Variants in TNIK observed in about 807,000 individuals in gnomAD.
TNIK encodes the protein TRAF2 and NCK interacting kinase, also known as TRAF2 and NCK-interacting protein kinase.
Under a neutral mutation model 191.3 loss-of-function variants are expected in TNIK, and 49 were observed. That is an observed-to-expected ratio of 0.26 (90% confidence interval 0.20 to 0.32). The LOEUF is 0.32. Among genes scored for constraint, TNIK ranks in the 10% least tolerant of loss-of-function variants. TNIK has a pLI of 1.00. For synonymous variants in TNIK, 594 were observed against 600.9 expected (o/e 0.99, Z 0.17); for missense variants, 1,155 against 1,702.3 (o/e 0.68, Z 5.66).
intron 29 of TNIK, among the ~76,000 whole-genome samples, chr3:171,069,832 C>T (rs1157000492): frequency 6.6e-6 from 1 of 152,292 alleles, no homozygotes; most frequent in South Asian, 2.1e-4. Flanking sequence ...CCTCTCAGAC[C>T]CTTCTCTTCT....
intron 2 of TNIK, among the ~76,000 whole-genome samples, chr3:171,238,033 G>T (rs572724061): frequency 6.6e-6 from 1 of 152,112 alleles, no homozygotes. Flanking sequence ...CCAGATCTCC[G>T]CAAAGGCTGA....
intron 1 of TNIK, among the ~76,000 whole-genome samples, chr3:171,408,270 G>A (rs374809273): frequency 1.7e-4 from 25 of 151,360 alleles, no homozygotes; most frequent in African/African-American, 5.1e-4. Flanking sequence ...TTTTTCCCCC[G>A]CTCAATCTGG....
chr3:171,243,046 A>G (rs1393983479), intron 2 of TNIK, among the ~76,000 whole-genome samples: 1 of 152,228 alleles, frequency 6.6e-6, no homozygotes, highest in Non-Finnish European at 1.5e-5. Flanking sequence ...CAATTTTTCA[A>G]TAAGGCTCTA....
intron 4 of TNIK, among the ~76,000 whole-genome samples, 195 bp downstream of exon 4, chr3:171,210,921 A>G (rs906794580): frequency 6.6e-6 from 1 of 152,084 alleles, no homozygotes; most frequent in African/African-American, 2.4e-5. Flanking sequence ...GGATAGAAGG[A>G]ACATTTAGAG....
intron 11 of TNIK, among the ~76,000 whole-genome samples, chr3:171,160,156 G>A (rs1733786121): frequency 6.6e-6 from 1 of 152,150 alleles, no homozygotes; most frequent in South Asian, 2.1e-4. Context: ...AACCGGGGAC[G>A]GCCAACATGC....
chr3:171,259,117 C>A (rs986353505), intron 2 of TNIK, among the ~76,000 whole-genome samples: 4 of 152,004 alleles, frequency 2.6e-5, no homozygotes, highest in Non-Finnish European at 5.9e-5. Flanking sequence ...AGAGAGCATG[C>A]ACACGAGAGA....
chr3:171,146,893 C>CAA (rs34998782), intron 12 of TNIK, among the ~76,000 whole-genome samples: 39 of 54,822 alleles, frequency 7.1e-4, no homozygotes, highest in African/African-American at 1.5e-3. Context: ...GACTTCATCT[C>CAA]AAAAAAAAAA....
intron 12 of TNIK, among the ~76,000 whole-genome samples, chr3:171,155,052 A>C (rs1002400216): frequency 2.6e-5 from 4 of 152,252 alleles, no homozygotes; most frequent in Admixed American, 6.5e-5. Flanking sequence ...TGAGATCACA[A>C]AATACAAAAG....
chr3:171,094,235 C>T (rs989597428), intron 22 of TNIK, among the ~76,000 whole-genome samples: 5 of 151,842 alleles, frequency 3.3e-5, no homozygotes, highest in East Asian at 1.9e-4. Context: ...CCCAGGTTCA[C>T]GCCATTCTCC....
intron 2 of TNIK, among the ~76,000 whole-genome samples, chr3:171,247,707 A>G (rs1745755202): frequency 6.6e-6 from 1 of 152,188 alleles, no homozygotes; most frequent in South Asian, 2.1e-4. Context: ...TCAAGGAAAG[A>G]GAAAGTTTCA....
intron 12 of TNIK, among the ~76,000 whole-genome samples, chr3:171,152,632 C>A (rs1261754380): frequency 1.3e-5 from 2 of 152,124 alleles, no homozygotes; most frequent in Admixed American, 6.5e-5. Flanking sequence ...TACATGGTGA[C>A]CCTCAGAAGT....
At chr3:171,157,123 G>A (rs540357890) in intron 12 of TNIK, among the ~76,000 whole-genome samples, 10 of 152,206 alleles carry the variant, frequency 6.6e-5, no homozygotes, top group Non-Finnish European at 1.5e-4. Flanking sequence ...TAAGGGCTGT[G>A]TAAAAGTAAT....
intron 2 of TNIK, among the ~76,000 whole-genome samples, chr3:171,248,113 A>T (rs958754523): frequency 9.9e-5 from 15 of 152,200 alleles, no homozygotes; most frequent in African/African-American, 3.4e-4. Flanking sequence ...GAATGTGGGA[A>T]GAAGATGAGT....
chr3:171,111,151 G>A (rs184754300), intron 18 of TNIK, among the ~76,000 whole-genome samples: 83 of 152,326 alleles, frequency 5.4e-4, no homozygotes, highest in Non-Finnish European at 1.0e-3. Flanking sequence ...GCCAGGCACA[G>A]TGGCTGTCAC....
At chr3:171,207,932 C>T (rs906110899) in intron 4 of TNIK, among the ~76,000 whole-genome samples, 4 of 152,204 alleles carry the variant, frequency 2.6e-5, no homozygotes, top group Non-Finnish European at 5.9e-5. Flanking sequence ...GCAAAAGACA[C>T]AATCCTTGCC....
rs944943031 is a variant in TNIK, at chr3:171,441,766, C to T, written c.57+18241G>A. Among the ~76,000 whole-genome samples the T allele has an allele frequency of 3.9e-5, 6 of 152,102 alleles. No homozygotes were observed. The South Asian group carries it at 8.3e-4, about 21-fold the overall frequency. On this transcript the variant is annotated intron_variant, in intron 1 of 32. Transcript: ENST00000436636. ...TGGCTGAGTTATTTCATAGACCCACCGGCAATGTATGAGAGTTCCAGTTTC... is the reference window on the plus strand; with the variant it reads ...TGGCTGAGTTATTTCATAGACCCACTGGCAATGTATGAGAGTTCCAGTTTC...
chr3:171,175,131 C>T, intron 9 of TNIK, 121 bp downstream of exon 9: 1 of 941,944 alleles, frequency 1.1e-6, no homozygotes, highest in South Asian at 1.5e-5. Flanking sequence ...AGTAATTCAC[C>T]AAGTCATCAT....
intron 1 of TNIK, among the ~76,000 whole-genome samples, chr3:171,429,148 C>T (rs939031292): frequency 2.0e-4 from 31 of 152,272 alleles, no homozygotes; most frequent in Non-Finnish European, 4.1e-4. Flanking sequence ...GTTCACCAAG[C>T]CAAAACCAAA....
intron 11 of TNIK, among the ~76,000 whole-genome samples, chr3:171,158,464 G>A (rs577617531): frequency 2.0e-5 from 3 of 152,216 alleles, no homozygotes; most frequent in Non-Finnish European, 2.9e-5. Flanking sequence ...TGCCCTGCTC[G>A]CAGGTGAACA....
Sources: allele counts gnomAD v4.1 joint callset (sites outside exome capture counted in the v4.1 genomes callset), GRCh38; gene constraint gnomAD v4.1.1; transcripts MANE v1.5; gene names NCBI Gene and HGNC (gene_info 2026-07-23, HGNC 2026-07-21).